The following ARHGAP20 variants were observed in gnomAD, a reference collection of about 807,000 sequenced individuals.
The protein encoded by ARHGAP20 is Rho GTPase activating protein 20, also known as rho GTPase-activating protein 20.
In ARHGAP20, 34 loss-of-function variants were observed where a neutral mutation model predicts 73.7. That is an observed-to-expected ratio of 0.46 (90% CI 0.35 to 0.61). The LOEUF is 0.61. ARHGAP20 is among the 20% of genes least tolerant of loss of function. ARHGAP20 has a pLI of 0.00. For missense variants in ARHGAP20, 1,314 were observed against 1,420.9 expected (o/e 0.92, Z 1.21); for synonymous variants, 523 against 518.2 (o/e 1.01, Z -0.13).
chr11:110,624,424 A>T, intron 3 of ARHGAP20, 113 bp from the exon 4 acceptor site: 1 of 781,312 alleles, frequency 1.3e-6, no homozygotes, highest in Non-Finnish European at 1.9e-6. Flanking sequence ...AGAAAACCAA[A>T]TACTGCATGT....
intron 2 of ARHGAP20, among the ~76,000 whole-genome samples, chr11:110,670,115 G>A (rs1949798948): frequency 6.6e-6 from 1 of 151,964 alleles, no homozygotes; most frequent in Admixed American, 6.6e-5. Context: ...AACCTTTGGA[G>A]GTTATGAAAA....
intron 9 of ARHGAP20, among the ~76,000 whole-genome samples, chr11:110,601,981 CAAAAA>C (rs34786190): frequency 1.5e-5 from 2 of 131,010 alleles, no homozygotes; most frequent in Admixed American, 1.6e-4. Context: ...GACTTTTTCT[CAAAAA>C]AAAAAAAAAA....
At chr11:110,683,349 TA>T (rs1017280436) in intron 2 of ARHGAP20, among the ~76,000 whole-genome samples, 1 of 151,972 alleles carries the variant, frequency 6.6e-6, no homozygotes. Flanking sequence ...AACATTTTGT[TA>T]AAAAAAATCT....
At chr11:110,711,005 CAAAAAAA>C (rs11461759) in intron 1 of ARHGAP20, among the ~76,000 whole-genome samples, 2 of 82,550 alleles carry the variant, frequency 2.4e-5, no homozygotes, top group African/African-American at 4.0e-5. Context: ...TAAGACAAGG[CAAAAAAA>C]AAAAAAAAGG....
chr11:110,606,509 T>C, intron 9 of ARHGAP20, 52 bp downstream of exon 9: 1 of 1,561,708 alleles, frequency 6.4e-7, no homozygotes, highest in Non-Finnish European at 8.6e-7. Flanking sequence ...AGTCTTTGCC[T>C]TTGTACTAAA....
chr11:110,709,736 C>T (rs1950612579), intron 1 of ARHGAP20, among the ~76,000 whole-genome samples: 3 of 152,006 alleles, frequency 2.0e-5, no homozygotes, highest in African/African-American at 7.2e-5. Context: ...GGGGGGGATG[C>T]ATAGATGAGG....
At chr11:110,711,780 G>A in intron 1 of ARHGAP20, 1 of 1,353,290 alleles carries the variant, frequency 7.4e-7, no homozygotes, top group Non-Finnish European at 9.5e-7. Context: ...GCACGGCGAG[G>A]GGTCGGGGAA....
At chr11:110,686,268 A>C (rs1950129619) in intron 2 of ARHGAP20, among the ~76,000 whole-genome samples, 1 of 152,140 alleles carries the variant, frequency 6.6e-6, no homozygotes, top group Non-Finnish European at 1.5e-5. Context: ...TTGAATGTTT[A>C]TTATAATAAG....
At chr11:110,656,600 G>A (rs976203118) in intron 2 of ARHGAP20, among the ~76,000 whole-genome samples, 5 of 152,176 alleles carry the variant, frequency 3.3e-5, no homozygotes, top group Non-Finnish European at 7.3e-5. Flanking sequence ...AGTAACAGAA[G>A]TTCACCTAGG....
At chr11:110,637,827 A>G (rs1948999687) in intron 2 of ARHGAP20, among the ~76,000 whole-genome samples, 1 of 152,146 alleles carries the variant, frequency 6.6e-6, no homozygotes, top group African/African-American at 2.4e-5. Context: ...ACCAAAGTCT[A>G]AAGGATGAAC....
intron 12 of ARHGAP20, among the ~76,000 whole-genome samples, chr11:110,584,722 A>C (rs549691309): frequency 6.6e-6 from 1 of 152,030 alleles, no homozygotes; most frequent in African/African-American, 2.4e-5. Context: ...CAGTGCATCT[A>C]ATACTTGTCT....
intron 12 of ARHGAP20, 80 bp downstream of exon 12, chr11:110,586,136 T>C (rs991799098): frequency 1.2e-4 from 85 of 710,550 alleles, no homozygotes; most frequent in Non-Finnish European, 1.5e-4. Context: ...ATGACTTTGA[T>C]AGCTGTCATT....
At chr11:110,674,151 T>G (rs1354682950) in intron 2 of ARHGAP20, among the ~76,000 whole-genome samples, 1 of 152,070 alleles carries the variant, frequency 6.6e-6, no homozygotes, top group Non-Finnish European at 1.5e-5. Flanking sequence ...GGCCAGGATG[T>G]TCTCGATCTC....
At chr11:110,602,927 C>A (rs1948143445) in intron 9 of ARHGAP20, among the ~76,000 whole-genome samples, 1 of 152,006 alleles carries the variant, frequency 6.6e-6, no homozygotes, top group South Asian at 2.1e-4. Context: ...TTCAGTACAA[C>A]CTGAAGTGGA....
intron 2 of ARHGAP20, among the ~76,000 whole-genome samples, chr11:110,659,363 G>C (rs1475736821): frequency 1.4e-5 from 2 of 147,788 alleles, no homozygotes; most frequent in African/African-American, 2.5e-5. Context: ...GTCTTCTTTT[G>C]AGAAGTGTCT....
rs1465871288 is a variant in ARHGAP20 at position 110,580,029 on chromosome 11, A to C, written c.2917T>G (p.Ser973Ala). The C allele has an allele frequency of 6.2e-7, 1 of 1,614,094 alleles. No homozygotes were observed. Among genetic ancestry groups the C allele is most frequent in the African/African-American group, 1.3e-5 (1 of 74,946 alleles). ...HSVFTPTETS[S>A]PIDCTFQAQR... ...GCCTGAAAAGTGCAATCTATTGGAG[A>C]GGAAGTCTCAGTGGGTGTAAACACA... is the stretch of plus-strand genomic sequence containing the variant. Residue 973 changes from serine to alanine, a missense_variant, in exon 15 of 15, where the codon TCT (serine) becomes GCT (alanine). Ser to Ala is a moderately conservative substitution (Grantham distance 99). This residue lies in a region of ARHGAP20 where 641 missense variants were observed against 636.9 expected (regional missense o/e 1.01). Transcript: ENST00000683387.
intron 2 of ARHGAP20, among the ~76,000 whole-genome samples, chr11:110,674,667 A>G (rs897172482): frequency 6.6e-6 from 1 of 152,170 alleles, no homozygotes; most frequent in South Asian, 2.1e-4. Flanking sequence ...AATCCAAAAT[A>G]AAAATCTGAC....
intron 5 of ARHGAP20, 151 bp from the exon 6 acceptor site, chr11:110,614,796 G>C: frequency 1.7e-6 from 1 of 589,946 alleles, no homozygotes; most frequent in Non-Finnish European, 2.8e-6. Flanking sequence ...AGCAAAGTCA[G>C]ATTACATTAT....
intron 2 of ARHGAP20, among the ~76,000 whole-genome samples, chr11:110,687,010 G>C (rs33926926): frequency 0.28 from 38,942 of 140,560 alleles, 6,185 homozygotes; most frequent in African/African-American, 0.43. Flanking sequence ...AGAGAAACTT[G>C]CAGGAAATTA....
Sources: gnomAD v4.1 joint callset for allele counts (sites outside exome capture counted in the v4.1 genomes callset) on GRCh38, gnomAD v4.1.1 for gene constraint, gnomAD v4.1.1 regional missense constraint, MANE v1.5 for transcripts, NCBI Gene and HGNC (gene_info 2026-07-23, HGNC 2026-07-21) for gene names.